The following EMC8 variants were observed in gnomAD, a reference collection of about 807,000 sequenced individuals.
The protein encoded by EMC8 is COX4 neighbor.
A neutral mutation model predicts 24.3 loss-of-function variants in EMC8; 11 were observed. The observed-to-expected ratio is 0.45, with a 90% CI of 0.28 to 0.75. The LOEUF (loss-of-function observed/expected upper bound fraction) is 0.75, where lower values mean the gene tolerates loss of function less well. Ranked by LOEUF, EMC8 falls within the 30% of genes least tolerant of loss-of-function variation. EMC8 has a pLI of 0.12. For missense variants in EMC8, 277 were observed against 282.7 expected, an observed-to-expected ratio of 0.98 and a Z score of 0.14; for synonymous variants, 145 against 117.7, an observed-to-expected ratio of 1.23 and a Z score of -1.50.
chr16:85,783,354 T>C (rs968532068), intron 2 of EMC8, among the ~76,000 whole-genome samples: 1 of 152,108 alleles, frequency 6.6e-6, no homozygotes, highest in Non-Finnish European at 1.5e-5. Flanking sequence ...GCATGGTGGC[T>C]ATTCACAGGT....
rs533099087 is a variant in EMC8 at position 85,785,518 on chromosome 16, C to T, written c.308+3456G>A. On this transcript the variant is annotated intron_variant, in intron 2 of 4. Transcript: ENST00000253457. ...CCAGGAGGTGGAGGTTGCATTGAGG[C>T]GAGATCGTGCCACTGCACTCCAGCC... Among the ~76,000 whole-genome samples, 20 of 152,158 alleles carry T rather than the reference C, an allele frequency of 1.3e-4. No homozygotes were observed. The South Asian group carries it at 1.5e-3, about 11-fold the overall frequency.
chr16:85,792,117 C>T (rs1318007655), intron 1 of EMC8, among the ~76,000 whole-genome samples: 1 of 151,814 alleles, frequency 6.6e-6, no homozygotes, highest in Non-Finnish European at 1.5e-5. Context: ...GGACTCATAG[C>T]CCAGTAAACA....
intron 3 of EMC8, chr16:85,780,950 G>A (rs990261486): frequency 3.8e-6 from 2 of 533,030 alleles, no homozygotes; most frequent in Middle Eastern, 5.0e-4. Flanking sequence ...GGGTGCCTGG[G>A]AATTCGCATT....
chr16:85,796,649 C>A (rs1905252007), intron 1 of EMC8, among the ~76,000 whole-genome samples: 1 of 152,166 alleles, frequency 6.6e-6, no homozygotes, highest in African/African-American at 2.4e-5. Flanking sequence ...CATCCTATTG[C>A]TCTCTCCAAA....
chr16:85,788,845 AC>A, intron 2 of EMC8, 128 bp downstream of exon 2: 1 of 711,620 alleles, frequency 1.4e-6, no homozygotes, highest in South Asian at 1.5e-5. Context: ...CTCAAATACT[AC>A]AAATAAGCAC....
chr16:85,798,950 C>T (rs1234881508), intron 1 of EMC8, 115 bp downstream of exon 1: 1 of 704,420 alleles, frequency 1.4e-6, no homozygotes, highest in African/African-American at 1.8e-5. Flanking sequence ...CACGGCAACC[C>T]TAGGGAGCGG....
intron 2 of EMC8, among the ~76,000 whole-genome samples, chr16:85,782,911 T>C (rs983563988): frequency 2.6e-5 from 4 of 152,198 alleles, no homozygotes; most frequent in African/African-American, 9.7e-5. Flanking sequence ...CTGTCATTTA[T>C]TTCCTTCAGT....
chr16:85,783,778 G>C (rs935855082), intron 2 of EMC8, among the ~76,000 whole-genome samples: 7 of 152,086 alleles, frequency 4.6e-5, no homozygotes, highest in Admixed American at 2.0e-4. Flanking sequence ...TTACTGAATT[G>C]CTTCCCCTCT....
rs1217012810 is a variant in EMC8 at position 85,779,779 on chromosome 16, T to G, written c.562A>C (p.Asn188His). 9 of 1,614,224 alleles carry G rather than the reference T, an allele frequency of 5.6e-6. No homozygotes were observed. The highest frequency in any genetic ancestry group is 6.8e-6 in the Non-Finnish European group (8 of 1,180,026). The change falls in exon 5 of 5, where the codon AAC becomes CAC. Residue 188 changes from asparagine (N) to histidine (H), a missense_variant. Physicochemically the swap from Asn to His is moderately conservative, Grantham distance 68. Transcript: ENST00000253457. ...RSYETLVDFD[N>H]HLDDIRNDWT... ...TCATTCCGAATGTCATCCAGGTGGT[T>G]ATCGAAATCCACGAGCGTCTCGTAG...
chr16:85,785,483 T>C (rs968398185), intron 2 of EMC8, among the ~76,000 whole-genome samples: 9 of 152,160 alleles, frequency 5.9e-5, no homozygotes, highest in African/African-American at 2.2e-4. Flanking sequence ...GACAGCAGAA[T>C]ACTTTGAACC....
rs148066312 is a variant in EMC8, at chr16:85,799,200, G to C, written c.96C>G (p.Ala32=). The change falls in exon 1 of 5, where the codon GCC becomes GCG. Residue 32 remains alanine, a synonymous_variant. Transcript: ENST00000253457. This position sits in a 1 kb window ranked among gnomAD's most constrained non-coding sequence, Gnocchi z 4.2. ...PHCAVNGLLV[A]EKQKPRKEHL... ...GCTCCTTACGCGGCTTCTGCTTCTC[G>C]GCCACCAGGAGCCCGTTGACGGCGC... The C allele has an allele frequency of 1.1e-4, 180 of 1,613,260 alleles. No homozygotes were observed. The African/African-American group carries it at 1.7e-3, about 16-fold the overall frequency.
chr16:85,792,032 C>T (rs937491342), intron 1 of EMC8, among the ~76,000 whole-genome samples: 1 of 152,184 alleles, frequency 6.6e-6, no homozygotes, highest in African/African-American at 2.4e-5. Flanking sequence ...TAGCTACAGG[C>T]AACTTCCTGA....
intron 2 of EMC8, among the ~76,000 whole-genome samples, chr16:85,783,457 CT>C (rs1904606541): frequency 1.3e-5 from 2 of 152,198 alleles, no homozygotes; most frequent in South Asian, 4.1e-4. Context: ...CGAAGCTCAG[CT>C]TAGGCTCTTC....
intron 2 of EMC8, 109 bp from the exon 3 acceptor site, chr16:85,781,389 A>G (rs301166): frequency 1 from 771,272 of 772,230 alleles, 385,163 homozygotes; most frequent in Non-Finnish European, 1. Flanking sequence ...AAAGACTGGC[A>G]GAGCCAACAG....
At chr16:85,788,117 C>T (rs994969088) in intron 2 of EMC8, among the ~76,000 whole-genome samples, 2 of 152,208 alleles carry the variant, frequency 1.3e-5, no homozygotes, top group African/African-American at 4.8e-5. Context: ...GACTTTCCAG[C>T]TGCCCATCTG....
At chr16:85,792,722 A>C (rs528860819) in intron 1 of EMC8, 1 of 152,362 alleles carries the variant, frequency 6.6e-6, no homozygotes, top group Admixed American at 6.5e-5. Context: ...TGGCTCCTGC[A>C]TGAAAAGCTG....
chr16:85,795,785 G>A (rs1362019076), intron 1 of EMC8, among the ~76,000 whole-genome samples: 4 of 152,154 alleles, frequency 2.6e-5, no homozygotes, highest in Non-Finnish European at 5.9e-5. Flanking sequence ...GGAAGCCATG[G>A]AAACCCCACC....
chr16:85,798,052 C>A (rs1905326939), intron 1 of EMC8, among the ~76,000 whole-genome samples: 1 of 143,204 alleles, frequency 7.0e-6, no homozygotes, highest in Non-Finnish European at 1.5e-5. Context: ...TCATTGCAAA[C>A]AAAAACATAA....
At chr16:85,779,952 G>A (rs1172489777) in intron 4 of EMC8, 85 bp from the exon 5 acceptor site, 3 of 1,117,406 alleles carry the variant, frequency 2.7e-6, no homozygotes, top group East Asian at 4.7e-5. Context: ...CCAGCCACAT[G>A]CACAGTGGTA....
Sources: allele counts gnomAD v4.1 joint callset (sites outside exome capture counted in the v4.1 genomes callset), GRCh38; gene constraint gnomAD v4.1.1; non-coding constraint Gnocchi (gnomAD v3.1); transcripts MANE v1.5; gene names NCBI Gene and HGNC (gene_info 2026-07-23, HGNC 2026-07-21).